GALNT10: variants seen among roughly 807,000 people sequenced by gnomAD.
GALNT10 encodes GalNAc transferase 10.
Under a neutral mutation model 75.0 loss-of-function variants are expected in GALNT10, and 41 were observed. The observed-to-expected ratio is 0.55, with a 90% confidence interval of 0.43 to 0.71. GALNT10 has a LOEUF of 0.71. Among genes scored for constraint, GALNT10 ranks in the 30% least tolerant of loss-of-function variants. The pLI is 0.00. For missense variants in GALNT10, 727 were observed against 818.5 expected (o/e 0.89, Z 1.36); for synonymous variants, 302 against 313.0 (o/e 0.96, Z 0.37).
intron 1 of GALNT10, among the ~76,000 whole-genome samples, chr5:154,273,752 A>G (rs1328851318): frequency 6.6e-6 from 1 of 152,164 alleles, no homozygotes; most frequent in Non-Finnish European, 1.5e-5. Flanking sequence ...TTGCAAATCA[A>G]ATTATAGGGT....
intron 6 of GALNT10, among the ~76,000 whole-genome samples, chr5:154,386,032 T>C (rs369112698): frequency 3.3e-5 from 5 of 152,162 alleles, no homozygotes; most frequent in African/African-American, 1.2e-4. Context: ...ACAGGGCCCA[T>C]GTGGACAAAG....
chr5:154,310,083 A>G (rs1370397182), intron 3 of GALNT10, among the ~76,000 whole-genome samples: 2 of 152,200 alleles, frequency 1.3e-5, no homozygotes, highest in African/African-American at 4.8e-5. Flanking sequence ...TTTGTTGGGA[A>G]TGAATGACGG....
intron 7 of GALNT10, among the ~76,000 whole-genome samples, chr5:154,395,741 T>TA (rs1359666523): frequency 3.9e-5 from 6 of 152,152 alleles, no homozygotes; most frequent in Non-Finnish European, 1.5e-5. Flanking sequence ...TGTTAGGAAA[T>TA]ATAGTGTGAA....
At chr5:154,294,993 T>TGC in intron 2 of GALNT10, 75 bp downstream of exon 2, 1 of 721,674 alleles carries the variant, frequency 1.4e-6, no homozygotes, top group East Asian at 2.6e-5. Context: ...TGTGTGTGTG[T>TGC]GTGTGTGTGT....
intron 1 of GALNT10, among the ~76,000 whole-genome samples, chr5:154,229,973 G>A (rs7712511): frequency 0.015 from 2,264 of 152,242 alleles, 47 homozygotes; most frequent in African/African-American, 0.052. Flanking sequence ...CTCCATGCTG[G>A]GCACCTTTGG....
At chr5:154,258,068 T>G (rs1753643647) in intron 1 of GALNT10, among the ~76,000 whole-genome samples, 1 of 152,208 alleles carries the variant, frequency 6.6e-6, no homozygotes, top group Non-Finnish European at 1.5e-5. Flanking sequence ...TAGGAAGGAC[T>G]GTAATTTTTA....
At chr5:154,319,569 ATTAG>A (rs1233452143) in intron 3 of GALNT10, among the ~76,000 whole-genome samples, 1 of 152,154 alleles carries the variant, frequency 6.6e-6, no homozygotes, top group East Asian at 1.9e-4. Flanking sequence ...TATGGTACAG[ATTAG>A]AGGAGAGAGA....
At position 154,298,001 on chromosome 5, in the gene GALNT10, A is replaced by T. The variant is rs757136989; in HGVS notation, c.323A>T (p.Tyr108Phe). The T allele has an allele frequency of 6.2e-7, 1 of 1,613,418 alleles. No homozygotes were observed. The highest frequency in any genetic ancestry group is 8.5e-7 in the Non-Finnish European group (1 of 1,179,324). Residue 108 changes from tyrosine to phenylalanine, a missense_variant, in exon 3 of 12, where the codon TAC becomes TTC. Coordinates refer to ENST00000297107, the MANE Select transcript of GALNT10 (RefSeq NM_198321.4). This position sits in a 1 kb window ranked among gnomAD's most constrained non-coding sequence, Gnocchi z 4.1. ...GATGCTGAGAGAGTGGATCAGGCAT[A>T]CCGAGAAAATGGATTTAACATCTAC... ...MTDAERVDQA[Y>F]RENGFNIYVS...
intron 4 of GALNT10, among the ~76,000 whole-genome samples, chr5:154,360,897 T>C (rs978369256): frequency 1.3e-5 from 2 of 152,230 alleles, no homozygotes; most frequent in African/African-American, 4.8e-5. Flanking sequence ...AGCTGGAGAT[T>C]TGTGTCTTAA....
chr5:154,195,387 C>T (rs889215148), intron 1 of GALNT10, among the ~76,000 whole-genome samples: 1 of 152,196 alleles, frequency 6.6e-6, no homozygotes, highest in Non-Finnish European at 1.5e-5. Flanking sequence ...AACCTTTCTC[C>T]TCATGCGCAG....
intron 5 of GALNT10, among the ~76,000 whole-genome samples, chr5:154,380,036 C>T (rs1191591586): frequency 6.6e-6 from 1 of 152,144 alleles, no homozygotes; most frequent in African/African-American, 2.4e-5. Flanking sequence ...GAATGAGGAG[C>T]CTCGCAGGAC....
At chr5:154,259,389 A>C (rs928599238) in intron 1 of GALNT10, among the ~76,000 whole-genome samples, 1 of 152,150 alleles carries the variant, frequency 6.6e-6, no homozygotes, top group Non-Finnish European at 1.5e-5. Context: ...CTGACATCTT[A>C]TTATGGGTGA....
At chr5:154,263,369 G>A (rs1179850807) in intron 1 of GALNT10, among the ~76,000 whole-genome samples, 20 of 152,130 alleles carry the variant, frequency 1.3e-4, no homozygotes, top group African/African-American at 4.6e-4. Flanking sequence ...CCTTGAAAAC[G>A]TTATACTACG....
chr5:154,261,435 T>C (rs1336415261), intron 1 of GALNT10, among the ~76,000 whole-genome samples: 1 of 152,162 alleles, frequency 6.6e-6, no homozygotes, highest in Non-Finnish European at 1.5e-5. Flanking sequence ...TTGAGTCTTA[T>C]CTGGACTTGT....
At position 154,238,008 on chromosome 5, in the gene GALNT10, A is replaced by G. The variant is rs570233693; in HGVS notation, c.159+46983A>G. ...GCTTTTGGGGCCATTTGTTTATTTC[A>G]TTAAACATTATTGGCTGCTGCCTGC... On this transcript the variant is annotated intron_variant, in intron 1 of 11. Transcript: ENST00000297107. Among the ~76,000 whole-genome samples, 6 of 152,256 alleles carry G rather than the reference A, an allele frequency of 3.9e-5. No individual in the cohort carries two copies. The South Asian group carries it at 1.0e-3, about 26-fold the overall frequency.
chr5:154,397,705 G>A (rs1489475122), intron 7 of GALNT10, among the ~76,000 whole-genome samples: 1 of 152,192 alleles, frequency 6.6e-6, no homozygotes, highest in Non-Finnish European at 1.5e-5. Context: ...ACTTCATAGG[G>A]GTCCTCAGCT....
intron 1 of GALNT10, among the ~76,000 whole-genome samples, chr5:154,201,226 A>G (rs1040319476): frequency 3.9e-5 from 6 of 152,064 alleles, no homozygotes; most frequent in African/African-American, 1.2e-4. Flanking sequence ...GCAAATTCCC[A>G]TAGGCTTTTC....
At chr5:154,371,433 G>A (rs1331536525) in intron 4 of GALNT10, among the ~76,000 whole-genome samples, 1 of 152,010 alleles carries the variant, frequency 6.6e-6, no homozygotes, top group Non-Finnish European at 1.5e-5. Context: ...AGTCCACCCG[G>A]TAGAACCATC....
At position 154,195,439 on chromosome 5, in the gene GALNT10, C is replaced by T. The variant is rs1033051284; in HGVS notation, c.159+4414C>T. Among the ~76,000 whole-genome samples the T allele has an allele frequency of 5.3e-5, 8 of 152,162 alleles. No homozygotes were observed. The East Asian group carries it at 5.8e-4, about 11-fold the overall frequency. On this transcript the variant is annotated intron_variant, in intron 1 of 11. Transcript: ENST00000297107. ...GGTAGCGCATATACACCTGAATTCC[C>T]GCAGCAAGAAGTGTATCATGGCCTC...
Sources: gnomAD v4.1 joint callset for allele counts (sites outside exome capture counted in the v4.1 genomes callset) on GRCh38, gnomAD v4.1.1 for gene constraint, Gnocchi (gnomAD v3.1) non-coding constraint, MANE v1.5 for transcripts, NCBI Gene and HGNC (gene_info 2026-07-23, HGNC 2026-07-21) for gene names.